The following VWC2L variants were observed in gnomAD, a reference collection of about 807,000 sequenced individuals.
VWC2L encodes the protein von Willebrand factor C domain containing 2 like.
Under a neutral mutation model 21.6 loss-of-function variants are expected in VWC2L, and 10 were observed. That is an observed-to-expected ratio of 0.46 (90% CI 0.29 to 0.78). The LOEUF (loss-of-function observed/expected upper bound fraction) is 0.78. VWC2L is among the 30% of genes least tolerant of loss of function. VWC2L has a pLI of 0.10. For missense variants in VWC2L, 209 were observed against 277.1 expected (o/e 0.75, Z 1.74); for synonymous variants, 96 against 94.3 (o/e 1.02, Z -0.10).
intron 3 of VWC2L, among the ~76,000 whole-genome samples, chr2:214,574,126 A>C (rs1384942117): frequency 6.6e-6 from 1 of 152,216 alleles, no homozygotes; most frequent in African/African-American, 2.4e-5. Flanking sequence ...TAGGTGACAG[A>C]GTGAGACTCC....
chr2:214,445,031 T>A (rs940674989), intron 3 of VWC2L, among the ~76,000 whole-genome samples: 1 of 151,848 alleles, frequency 6.6e-6, no homozygotes, highest in Non-Finnish European at 1.5e-5. Context: ...ATCTGTAAGT[T>A]TTTTCATATA....
At position 214,576,281 on chromosome 2, in the gene VWC2L, T is replaced by C. The variant is rs1253708723; in HGVS notation, c.*461T>C. 1 of 151,694 alleles carries C rather than the reference T, an allele frequency of 6.6e-6. No homozygotes were observed. The highest frequency in any genetic ancestry group is 6.6e-5 in the Admixed American group (1 of 15,238). The allele number at this position is 151,694 out of a possible 1,614,324, so 9.4% of individuals were successfully genotyped here. A position where few individuals can be genotyped will look rare whatever the true frequency, so the allele number is the denominator to read the frequency against. ...GACTGCACAGTAAAGTTTTGAGTTGTGTAAAAAAAAAAGTTTGGTAAAGGA... is the reference window on the plus strand; with the variant it reads ...GACTGCACAGTAAAGTTTTGAGTTGCGTAAAAAAAAAAGTTTGGTAAAGGA... On this transcript the variant is annotated 3_prime_UTR_variant, in exon 4 of 4. Coordinates refer to ENST00000312504, the MANE Select transcript of VWC2L (RefSeq NM_001080500.4).
chr2:214,467,758 A>C (rs908435209), intron 3 of VWC2L, among the ~76,000 whole-genome samples: 6 of 152,178 alleles, frequency 3.9e-5, no homozygotes, highest in Non-Finnish European at 8.8e-5. Flanking sequence ...TTGTCCCTAA[A>C]TAACTACTAA....
At chr2:214,530,372 T>G (rs1179047122) in intron 3 of VWC2L, among the ~76,000 whole-genome samples, 1 of 152,202 alleles carries the variant, frequency 6.6e-6, no homozygotes, top group South Asian at 2.1e-4. Flanking sequence ...CAATGACGAC[T>G]AGTAGCAAAG....
At chr2:214,521,867 T>C (rs1041480396) in intron 3 of VWC2L, among the ~76,000 whole-genome samples, 6 of 152,226 alleles carry the variant, frequency 3.9e-5, no homozygotes, top group Non-Finnish European at 8.8e-5. Flanking sequence ...ATTAGGGAGA[T>C]AGGTAGGCAA....
chr2:214,431,638 G>T (rs1312551370), intron 2 of VWC2L, among the ~76,000 whole-genome samples: 5 of 152,144 alleles, frequency 3.3e-5, no homozygotes, highest in Admixed American at 6.5e-5. Flanking sequence ...AATGTGTGTT[G>T]TTGGGCTTTG....
intron 3 of VWC2L, among the ~76,000 whole-genome samples, chr2:214,517,619 A>G (rs537851853): frequency 2.0e-5 from 3 of 152,226 alleles, no homozygotes; most frequent in Non-Finnish European, 4.4e-5. Flanking sequence ...AGGAAGAAGC[A>G]GTTTATAGAA....
intron 3 of VWC2L, among the ~76,000 whole-genome samples, chr2:214,564,016 C>T (rs1470959084): frequency 6.6e-6 from 1 of 152,120 alleles, no homozygotes; most frequent in Non-Finnish European, 1.5e-5. Context: ...CATTCCTATA[C>T]ACCAACAACA....
chr2:214,430,126 G>A (rs1295312485), intron 2 of VWC2L, among the ~76,000 whole-genome samples: 1 of 148,790 alleles, frequency 6.7e-6, no homozygotes, highest in African/African-American at 2.5e-5. Context: ...GCCTGGCCAG[G>A]AAGAAAATAA....
chr2:214,434,488 A>G (rs1180119753), intron 2 of VWC2L, among the ~76,000 whole-genome samples: 1 of 152,194 alleles, frequency 6.6e-6, no homozygotes, highest in African/African-American at 2.4e-5. Flanking sequence ...GAGCATCAGT[A>G]CACAGAATGG....
At chr2:214,559,092 A>G (rs567967388) in intron 3 of VWC2L, among the ~76,000 whole-genome samples, 1 of 150,178 alleles carries the variant, frequency 6.7e-6, no homozygotes, top group Non-Finnish European at 1.5e-5. Flanking sequence ...TACTCATCTG[A>G]CAAAGGGCTA....
intron 3 of VWC2L, among the ~76,000 whole-genome samples, chr2:214,553,709 C>A (rs1689831545): frequency 1.3e-5 from 2 of 152,064 alleles, no homozygotes; most frequent in South Asian, 4.2e-4. Flanking sequence ...TGCCTGGATT[C>A]CAAAAGGTAG....
chr2:214,547,911 C>CAAGCAG (rs1484327888), intron 3 of VWC2L, among the ~76,000 whole-genome samples: 1 of 152,164 alleles, frequency 6.6e-6, no homozygotes, highest in East Asian at 1.9e-4. Flanking sequence ...CCATAGGCAC[C>CAAGCAG]AAGCAGAGCT....
chr2:214,413,016 A>G (rs557886074), intron 1 of VWC2L, among the ~76,000 whole-genome samples: 1 of 152,220 alleles, frequency 6.6e-6, no homozygotes, highest in Non-Finnish European at 1.5e-5. Flanking sequence ...ATATTTAAAT[A>G]AGAGCCCACT....
intron 2 of VWC2L, among the ~76,000 whole-genome samples, chr2:214,415,451 C>A (rs2126168984): frequency 6.6e-6 from 1 of 152,120 alleles, no homozygotes; most frequent in South Asian, 2.1e-4. Context: ...ATAAAATGTT[C>A]CCATTTCATC....
In VWC2L at chr2:214,479,465, A is replaced by G. The variant is rs1385192967; in HGVS notation, c.520+42707A>G. On this transcript the variant is annotated intron_variant, in intron 3 of 3. Coordinates refer to ENST00000312504, the MANE Select transcript of VWC2L (RefSeq NM_001080500.4). ...AAGAAGCAATCAAAATATAAAATCT[A>G]CTAACAGGTCCACTTTCTCAAGGAA... Among the ~76,000 whole-genome samples, 5 of 152,318 alleles carry G rather than the reference A, an allele frequency of 3.3e-5. No homozygotes were observed. In the East Asian group the frequency reaches 9.7e-4, roughly 29 times the overall value.
At chr2:214,428,675 A>T (rs972032710) in intron 2 of VWC2L, among the ~76,000 whole-genome samples, 2 of 152,200 alleles carry the variant, frequency 1.3e-5, no homozygotes, top group Admixed American at 6.5e-5. Flanking sequence ...AATATATTTC[A>T]ATACCAGCAG....
chr2:214,496,236 A>T (rs905550640), intron 3 of VWC2L, among the ~76,000 whole-genome samples: 5 of 94,078 alleles, frequency 5.3e-5, no homozygotes, highest in African/African-American at 1.1e-4. Flanking sequence ...AAAATAAGGT[A>T]TTACAATCTT....
intron 3 of VWC2L, among the ~76,000 whole-genome samples, chr2:214,553,031 A>G (rs1246519620): frequency 6.6e-6 from 1 of 152,102 alleles, no homozygotes; most frequent in Non-Finnish European, 1.5e-5. Flanking sequence ...TTGTGTATCC[A>G]CATTCTATCA....
Sources: allele counts gnomAD v4.1 joint callset (sites outside exome capture counted in the v4.1 genomes callset), GRCh38; gene constraint gnomAD v4.1.1; transcripts MANE v1.5; gene names NCBI Gene and HGNC (gene_info 2026-07-23, HGNC 2026-07-21).